The following DENND2B variants were observed in gnomAD, a reference collection of about 807,000 sequenced individuals.
DENND2B encodes the protein DENN domain-containing protein 2B.
DENND2B carries 32 observed loss-of-function variants against 116.0 expected under a neutral mutation model. That is an observed-to-expected ratio of 0.28 (90% CI 0.21 to 0.37). The LOEUF is 0.37. DENND2B is among the 10% of genes least tolerant of loss of function. The pLI is 1.00. For synonymous variants in DENND2B, 588 were observed against 583.9 expected (o/e 1.01, Z -0.10); for missense variants, 1,276 against 1,477.7 (o/e 0.86, Z 2.24).
intron 2 of DENND2B, among the ~76,000 whole-genome samples, chr11:8,735,452 C>A (rs1014666991): frequency 3.3e-5 from 5 of 152,242 alleles, no homozygotes; most frequent in African/African-American, 4.8e-5. Context: ...AAACAATCAA[C>A]TGTGTTAAGC....
intron 1 of DENND2B, among the ~76,000 whole-genome samples, chr11:8,777,536 G>C (rs1331316817): frequency 6.6e-6 from 1 of 152,150 alleles, no homozygotes; most frequent in African/African-American, 2.4e-5. Flanking sequence ...TATGGTCCAA[G>C]AAAGCAGTAA....
intron 1 of DENND2B, among the ~76,000 whole-genome samples, chr11:8,775,128 G>A (rs984079039): frequency 1.3e-5 from 2 of 152,142 alleles, no homozygotes; most frequent in South Asian, 2.1e-4. Flanking sequence ...TGACCCGCCC[G>A]CCTTGACCTC....
In DENND2B at chr11:8,836,005, G is replaced by C. The variant is rs61876203; in HGVS notation, c.-115+3305C>G. On this transcript the variant is annotated intron_variant, in intron 4 of 6. Transcript: ENST00000524757. ...CAGGAAAGTAGGAGGCATCCTCATC[G>C]GGGATGTAGGTCACAGTGGAGTTAG... Among the ~76,000 whole-genome samples the C allele has an allele frequency of 7.1e-3, 1,081 of 152,044 alleles. 4 individuals carry two copies. Among genetic ancestry groups the C allele is most frequent in the Admixed American group, 0.013 (196 of 15,260 alleles).
intron 2 of DENND2B, among the ~76,000 whole-genome samples, chr11:8,859,456 C>T (rs1295408571): frequency 3.3e-5 from 5 of 152,082 alleles, no homozygotes; most frequent in African/African-American, 1.2e-4. Context: ...TACAGGCGCC[C>T]GCCATCGCGC....
intron 2 of DENND2B, among the ~76,000 whole-genome samples, chr11:8,737,679 TTCTCTC>T (rs1450768547): frequency 4.2e-5 from 5 of 117,690 alleles, no homozygotes; most frequent in African/African-American, 8.4e-5. Context: ...TTCTTTCTCT[TTCTCTC>T]TCTCTCCTTC....
chr11:8,869,994 C>G (rs1024090203), intron 2 of DENND2B, among the ~76,000 whole-genome samples: 2 of 152,196 alleles, frequency 1.3e-5, no homozygotes, highest in Non-Finnish European at 2.9e-5. Context: ...CAATGCAGCC[C>G]TTTGGGTTTT....
chr11:8,756,022 T>A (rs2053549590), intron 1 of DENND2B, among the ~76,000 whole-genome samples: 1 of 152,084 alleles, frequency 6.6e-6, no homozygotes, highest in Admixed American at 6.5e-5. Flanking sequence ...GTTTTCAGGG[T>A]CCTCAGGAAG....
intron 15 of DENND2B, 72 bp from the exon 16 acceptor site, chr11:8,699,046 C>T: frequency 1.3e-6 from 2 of 1,590,454 alleles, no homozygotes; most frequent in Admixed American, 1.7e-5. Context: ...GGCCTCCAGA[C>T]CTCCCAGGTT....
chr11:8,752,521 T>C (rs1172709568), intron 1 of DENND2B, among the ~76,000 whole-genome samples: 2 of 152,062 alleles, frequency 1.3e-5, no homozygotes, highest in Non-Finnish European at 2.9e-5. Context: ...GTATCTTATT[T>C]TAAATAAGAT....
At chr11:8,781,446 T>G (rs916328221) in intron 1 of DENND2B, among the ~76,000 whole-genome samples, 1 of 152,126 alleles carries the variant, frequency 6.6e-6, no homozygotes, top group Non-Finnish European at 1.5e-5. Flanking sequence ...GGTAGGAATG[T>G]TCTAGGAAAA....
intron 1 of DENND2B, among the ~76,000 whole-genome samples, chr11:8,786,347 A>T (rs1253501786): frequency 6.6e-6 from 1 of 152,174 alleles, no homozygotes; most frequent in Non-Finnish European, 1.5e-5. Context: ...AATAAAACAT[A>T]CTTCTTGGTT....
At chr11:8,741,544 C>A in intron 2 of DENND2B, among the ~76,000 whole-genome samples, 1 of 152,210 alleles carries the variant, frequency 6.6e-6, no homozygotes, top group East Asian at 1.9e-4. Context: ...GCCAATGGCA[C>A]TTGTGGTAGT....
chr11:8,734,025 A>T lies in DENND2B; in HGVS notation c.81-2816T>A, dbSNP rs866056414. Among the ~76,000 whole-genome samples, 4 of 152,192 alleles carry T rather than the reference A, an allele frequency of 2.6e-5. No individual in the cohort carries two copies. In the South Asian group the frequency reaches 8.3e-4, roughly 31 times the overall value. ...CCAGGCCCAGTGCACTGTACCACAG[A>T]GGAACCTGCCTGTGCTGACCTGAAG... On this transcript the variant is annotated intron_variant, in intron 2 of 19. Coordinates refer to ENST00000313726, the MANE Select transcript of DENND2B (RefSeq NM_213618.2).
chr11:8,715,279 A>G (rs1425098923), intron 6 of DENND2B, among the ~76,000 whole-genome samples: 2 of 152,194 alleles, frequency 1.3e-5, no homozygotes, highest in Admixed American at 1.3e-4. Flanking sequence ...CCCTTGTTTG[A>G]GTCCTAGGTC....
chr11:8,793,610 G>A (rs963178544), intron 1 of DENND2B, among the ~76,000 whole-genome samples: 5 of 152,110 alleles, frequency 3.3e-5, no homozygotes, highest in African/African-American at 9.6e-5. Context: ...TTGTTTATTC[G>A]TCAGTCAGTG....
At chr11:8,725,438 G>A (rs1291767073) in intron 4 of DENND2B, among the ~76,000 whole-genome samples, 3 of 150,402 alleles carry the variant, frequency 2.0e-5, no homozygotes, top group African/African-American at 7.4e-5. Context: ...GCAATGGCAC[G>A]ATCTCAGCTC....
At position 8,730,371 on chromosome 11, in the gene DENND2B, A is replaced by T. The variant is rs895596077; in HGVS notation, c.919T>A (p.Cys307Ser). Residue 307 changes from cysteine to serine, a missense_variant, in exon 3 of 20, where the codon TGC (cysteine) becomes AGC (serine). Cys to Ser is a moderately radical substitution (Grantham distance 112). This residue lies in a region of DENND2B where 856 missense variants were observed against 846.6 expected (regional missense o/e 1.01). Transcript: ENST00000313726. This position sits in a 1 kb window ranked among gnomAD's most constrained non-coding sequence, Gnocchi z 4.1. ...GRGLPQLPSS[C>S]YSVDRGKRKT... ...CTTTTCCCCCGGTCCACGCTGTAGC[A>T]GCTGCTGGGGAGCTGGGGGAGCCCC... is the stretch of plus-strand genomic sequence containing the variant. 12 of 1,604,232 alleles carry T rather than the reference A, an allele frequency of 7.5e-6. No homozygotes were observed. The highest frequency in any genetic ancestry group is 1.0e-5 in the Non-Finnish European group (12 of 1,179,664).
chr11:8,872,293 C>T (rs1440798834), upstream of DENND2B, among the ~76,000 whole-genome samples: 1 of 152,046 alleles, frequency 6.6e-6, no homozygotes, highest in Non-Finnish European at 1.5e-5. Context: ...TCAAGACCAG[C>T]CTGGCCAACA....
At chr11:8,854,875 G>A (rs1343957329) in intron 3 of DENND2B, among the ~76,000 whole-genome samples, 1 of 152,164 alleles carries the variant, frequency 6.6e-6, no homozygotes. Flanking sequence ...ACCACGCCCA[G>A]CTAATTTTTG....
Sources: gnomAD v4.1 joint callset for allele counts (sites outside exome capture counted in the v4.1 genomes callset) on GRCh38, gnomAD v4.1.1 for gene constraint, gnomAD v4.1.1 regional missense constraint, Gnocchi (gnomAD v3.1) non-coding constraint, MANE v1.5 for transcripts, NCBI Gene and HGNC (gene_info 2026-07-23, HGNC 2026-07-21) for gene names.